Variants in BTBD16 observed in about 807,000 individuals in gnomAD.
BTBD16 encodes the protein BTB/POZ domain-containing protein 16.
BTBD16 carries 66 observed loss-of-function variants against 67.4 expected under a neutral mutation model. The ratio of observed to expected loss-of-function variants is 0.98; its 90% confidence interval spans 0.80 to 1.20. The LOEUF is 1.20. BTBD16 is among the 50% of genes most tolerant of loss of function. BTBD16 has a pLI of 0.00. For missense variants in BTBD16, 634 were observed against 616.0 expected (o/e 1.03, Z -0.31); for synonymous variants, 242 against 236.4 (o/e 1.02, Z -0.22).
intron 9 of BTBD16, among the ~76,000 whole-genome samples, chr10:122,304,156 C>T (rs1040274912): frequency 6.6e-5 from 10 of 152,170 alleles, no homozygotes; most frequent in South Asian, 2.1e-4. Context: ...TCTCCCCTTC[C>T]GGCCTCACGA....
At chr10:122,291,803 T>C (rs1478324632) in intron 7 of BTBD16, 2 of 152,246 alleles carry the variant, frequency 1.3e-5, no homozygotes, top group Admixed American at 6.5e-5. Flanking sequence ...ATTTTAGGCA[T>C]AGCCTCTCTT....
In BTBD16 at chr10:122,307,320, T is replaced by G. The variant is rs1489266094; in HGVS notation, c.911+12T>G. On this transcript the variant is annotated intron_variant, in intron 10 of 15. Transcript: ENST00000260723. ...ACATTTTTTAAGAGGTAATATAACT[T>G]AGTGTTGATTGATGAAATACACAAA... 6.3e-7 allele frequency: 1 copy of G among 1,589,336 alleles called. No individual in the cohort carries two copies. The highest frequency in any genetic ancestry group is 1.2e-5 in the South Asian group (1 of 85,742).
At chr10:122,303,726 A>G (rs982534786) in intron 9 of BTBD16, 2 of 772,342 alleles carry the variant, frequency 2.6e-6, no homozygotes, top group African/African-American at 3.8e-5. Flanking sequence ...TTACATTCCA[A>G]TGGCTGCTAG....
chr10:122,326,630 T>C (rs1012795225), intron 10 of BTBD16, among the ~76,000 whole-genome samples: 6 of 152,096 alleles, frequency 3.9e-5, no homozygotes, highest in African/African-American at 1.2e-4. Context: ...AAATACAATA[T>C]GTACCCATCA....
chr10:122,332,644 G>A, intron 13 of BTBD16, 131 bp downstream of exon 13: 1 of 1,057,804 alleles, frequency 9.5e-7, no homozygotes, highest in Non-Finnish European at 1.3e-6. Context: ...GAGAACCACA[G>A]GTGTCTCTCC....
At chr10:122,285,856 G>A (rs1378113561) in intron 4 of BTBD16, among the ~76,000 whole-genome samples, 7 of 152,100 alleles carry the variant, frequency 4.6e-5, no homozygotes, top group Admixed American at 1.3e-4. Flanking sequence ...GCTGTTAGCC[G>A]ACAGCTGTCC....
At chr10:122,277,680 A>T (rs2096343752) in intron 3 of BTBD16, among the ~76,000 whole-genome samples, 2 of 152,038 alleles carry the variant, frequency 1.3e-5, no homozygotes, top group Admixed American at 1.3e-4. Context: ...GCTCTTGTTG[A>T]CAACCGGCTC....
At chr10:122,329,380 T>C in intron 10 of BTBD16, 100 bp from the exon 11 acceptor site, 4 of 1,129,968 alleles carry the variant, frequency 3.5e-6, no homozygotes, top group Non-Finnish European at 5.2e-6. Context: ...CCCTGGCTAG[T>C]GAAGCCACTA....
intron 10 of BTBD16, among the ~76,000 whole-genome samples, chr10:122,308,435 G>A (rs570669684): frequency 3.9e-5 from 6 of 152,070 alleles, no homozygotes; most frequent in Non-Finnish European, 7.4e-5. Context: ...ATTTCCCCAA[G>A]CCCCCTGATC....
At chr10:122,277,094 G>A (rs1163373429) in intron 3 of BTBD16, among the ~76,000 whole-genome samples, 155 bp downstream of exon 3, 1 of 152,136 alleles carries the variant, frequency 6.6e-6, no homozygotes, top group East Asian at 1.9e-4. Flanking sequence ...GCATGGACAG[G>A]GTCATAAGTG....
intron 10 of BTBD16, among the ~76,000 whole-genome samples, chr10:122,326,982 G>A (rs528209989): frequency 6.6e-5 from 10 of 152,264 alleles, no homozygotes; most frequent in African/African-American, 2.4e-4. Context: ...CCCATCTTAC[G>A]TGACACCATG....
chr10:122,281,656 C>T (rs912259173), intron 3 of BTBD16, among the ~76,000 whole-genome samples: 2 of 152,188 alleles, frequency 1.3e-5, no homozygotes, highest in Non-Finnish European at 2.9e-5. Context: ...GAAGGCATGT[C>T]CTTGCAAGTT....
chr10:122,286,336 C>T (rs1164580368), intron 5 of BTBD16, 88 bp downstream of exon 5: 14 of 1,499,694 alleles, frequency 9.3e-6, no homozygotes, highest in Non-Finnish European at 9.8e-6. Flanking sequence ...TGTTTTGAGA[C>T]CACGGTCACT....
At chr10:122,297,729 T>C (rs750709575) in intron 7 of BTBD16, 39 bp from the exon 8 acceptor site, 43 of 1,610,204 alleles carry the variant, frequency 2.7e-5, no homozygotes, top group African/African-American at 4.0e-5. Context: ...CCAAAAGCAG[T>C]GTGGGGTTCC....
intron 3 of BTBD16, 89 bp downstream of exon 3, chr10:122,277,028 C>G (rs7072288): frequency 0.33 from 484,188 of 1,461,856 alleles, 82,803 homozygotes; most frequent in African/African-American, 0.56. Context: ...TGATTGGCTG[C>G]AGTGGCTGTC....
At chr10:122,334,848 C>T (rs746251681) in intron 13 of BTBD16, 33 bp from the exon 14 acceptor site, 8 of 1,318,014 alleles carry the variant, frequency 6.1e-6, no homozygotes, top group South Asian at 5.9e-5. Context: ...TATTTTCCCC[C>T]CTTCACTTTG....
chr10:122,294,071 G>A, intron 7 of BTBD16: 1 of 953,910 alleles, frequency 1.0e-6, no homozygotes, highest in Non-Finnish European at 1.2e-6. Context: ...AGGCTTGCCT[G>A]AAGCTGATGG....
At chr10:122,293,786 G>A (rs897668993) in intron 7 of BTBD16, among the ~76,000 whole-genome samples, 1 of 152,222 alleles carries the variant, frequency 6.6e-6, no homozygotes, top group African/African-American at 2.4e-5. Flanking sequence ...AGTCCAGGAA[G>A]TTATCTCTGA....
chr10:122,290,030 G>A, intron 6 of BTBD16, 32 bp downstream of exon 6: 1 of 1,425,234 alleles, frequency 7.0e-7, no homozygotes. Flanking sequence ...TTCTGAGAAT[G>A]CCATTGAACA....
Sources: allele counts gnomAD v4.1 joint callset (sites outside exome capture counted in the v4.1 genomes callset), GRCh38; gene constraint gnomAD v4.1.1; transcripts MANE v1.5; gene names NCBI Gene and HGNC (gene_info 2026-07-23, HGNC 2026-07-21).